PCBP3: variants seen among roughly 807,000 people sequenced by gnomAD.
PCBP3 encodes the protein poly(rC) binding protein 3.
PCBP3 carries 25 observed loss-of-function variants against 52.7 expected under a neutral mutation model. The observed-to-expected ratio is 0.47, with a 90% CI of 0.35 to 0.66. The LOEUF is 0.66. Ranked by LOEUF, PCBP3 falls within the 30% of genes least tolerant of loss-of-function variation. The pLI is 0.01. For missense variants in PCBP3, 391 were observed against 490.3 expected, an observed-to-expected ratio of 0.80 and a Z score of 1.91; for synonymous variants, 162 against 183.0, an observed-to-expected ratio of 0.89 and a Z score of 0.93.
At position 45,928,019 on chromosome 21, in the gene PCBP3, G is replaced by A. The variant is rs765365049; in HGVS notation, c.718-1898G>A. 6.6e-5 allele frequency among the ~76,000 whole-genome samples: 10 copies of A among 152,190 alleles called. No homozygotes were observed. The highest frequency in any genetic ancestry group is 1.0e-4 in the Non-Finnish European group (7 of 68,028). On this transcript the variant is annotated intron_variant, in intron 13 of 17. Coordinates refer to ENST00000681687, the MANE Select transcript of PCBP3 (RefSeq NM_001384156.1). The surrounding 1 kb of genome is among the most constrained non-coding windows in gnomAD (Gnocchi z 4.1). ...GAATTTGCCAGGAGTGTCTCACCCC[G>A]CCGTGGGCGATCTTGCCTGCAGCTC...
intron 2 of PCBP3, among the ~76,000 whole-genome samples, chr21:45,726,236 G>A (rs1404353553): frequency 6.6e-6 from 1 of 152,100 alleles, no homozygotes; most frequent in African/African-American, 2.4e-5. Context: ...GGTAACAGAT[G>A]TCCAAGTGGC....
At chr21:45,912,489 C>T (rs2070437) in intron 11 of PCBP3, among the ~76,000 whole-genome samples, 2 of 151,970 alleles carry the variant, frequency 1.3e-5, no homozygotes, top group African/African-American at 4.8e-5. Context: ...CACCTCACAC[C>T]CAGGAGATGA....
chr21:45,893,708 C>T (rs748724916), intron 5 of PCBP3: 16 of 978,166 alleles, frequency 1.6e-5, no homozygotes, highest in Non-Finnish European at 1.8e-5. Flanking sequence ...TGCTAAATCT[C>T]CAGCACTGGA....
intron 1 of PCBP3, among the ~76,000 whole-genome samples, chr21:45,658,394 C>G (rs1239839455): frequency 6.6e-6 from 1 of 152,148 alleles, no homozygotes; most frequent in African/African-American, 2.4e-5. Context: ...GCCTCTGCCT[C>G]CTGGAGTCAA....
At chr21:45,856,907 A>G (rs1324375281) in intron 5 of PCBP3, among the ~76,000 whole-genome samples, 1 of 152,220 alleles carries the variant, frequency 6.6e-6, no homozygotes, top group Non-Finnish European at 1.5e-5. Context: ...CCAGGCTATC[A>G]GTAAATTTAA....
chr21:45,896,856 T>A (rs1472659565), intron 6 of PCBP3, among the ~76,000 whole-genome samples: 49 of 139,672 alleles, frequency 3.5e-4, no homozygotes, highest in African/African-American at 1.3e-3. Flanking sequence ...GGCCATTGTC[T>A]CTGTAGGAAA....
At chr21:45,823,432 C>T (rs1464916326) in intron 4 of PCBP3, among the ~76,000 whole-genome samples, 2 of 152,174 alleles carry the variant, frequency 1.3e-5, no homozygotes, top group African/African-American at 2.4e-5. Flanking sequence ...GAAAGTGCAG[C>T]CATTTAACCC....
At position 45,736,894 on chromosome 21, in the gene PCBP3, G is replaced by C. The variant is rs893977078; in HGVS notation, c.-162+1465G>C. Among the ~76,000 whole-genome samples, 16 of 152,130 alleles carry C rather than the reference G, an allele frequency of 1.1e-4. No individual in the cohort carries two copies. The highest frequency in any genetic ancestry group is 3.9e-4 in the African/African-American group (16 of 41,426). On this transcript the variant is annotated intron_variant, in intron 3 of 17. Coordinates refer to ENST00000681687, the MANE Select transcript of PCBP3 (RefSeq NM_001384156.1). The surrounding 1 kb of genome is among the most constrained non-coding windows in gnomAD (Gnocchi z 4.6). The stretch of plus-strand genomic sequence containing the variant: ...GGTGACAGTGGCTGTGGAGGAAACA[G>C]GGAAGGGCAGGGTGTGGGAGTCCTG...
intron 4 of PCBP3, among the ~76,000 whole-genome samples, chr21:45,785,685 A>G (rs1274251009): frequency 6.6e-6 from 1 of 152,234 alleles, no homozygotes; most frequent in Non-Finnish European, 1.5e-5. Flanking sequence ...GTTTTGTGGA[A>G]TAGAAAAGGG....
chr21:45,758,510 C>A, intron 4 of PCBP3, among the ~76,000 whole-genome samples: 1 of 152,158 alleles, frequency 6.6e-6, no homozygotes, highest in East Asian at 1.9e-4. Context: ...TTTCACAGTG[C>A]AAGTCTTGCA....
At chr21:45,676,872 A>G (rs1283494792) in intron 2 of PCBP3, among the ~76,000 whole-genome samples, 2 of 152,074 alleles carry the variant, frequency 1.3e-5, no homozygotes, top group Non-Finnish European at 2.9e-5. Context: ...CCTGGGTTCA[A>G]GCTATTCTTG....
intron 2 of PCBP3, among the ~76,000 whole-genome samples, chr21:45,727,597 G>A (rs554252499): frequency 6.6e-6 from 1 of 152,324 alleles, no homozygotes; most frequent in South Asian, 2.1e-4. Context: ...AGCAGGCTTA[G>A]GAGTGGCACT....
At chr21:45,808,859 A>G (rs374724904) in intron 4 of PCBP3, among the ~76,000 whole-genome samples, 26 of 152,354 alleles carry the variant, frequency 1.7e-4, no homozygotes, top group South Asian at 4.1e-4. Flanking sequence ...CTATGCAGCC[A>G]TAAAAAAGGA....
Position 45,928,849 on chromosome 21 carries a change from T to G in PCBP3, c.718-1068T>G, listed in dbSNP as rs940149179. 2.0e-5 allele frequency among the ~76,000 whole-genome samples: 3 copies of G among 152,050 alleles called. No individual in the cohort carries two copies. Among genetic ancestry groups the G allele is most frequent in the African/African-American group, 7.2e-5 (3 of 41,422 alleles). The stretch of plus-strand genomic sequence containing the variant: ...TGAAGGGAAAATGCTGGGGAGGTGG[T>G]GCCCTCCCCAAATGTGCCACCTCCC... On this transcript the variant is annotated intron_variant, in intron 13 of 17. Transcript: ENST00000681687. This position sits in a 1 kb window ranked among gnomAD's most constrained non-coding sequence, Gnocchi z 4.1.
intron 3 of PCBP3, among the ~76,000 whole-genome samples, chr21:45,749,081 G>A (rs186252628): frequency 6.6e-6 from 1 of 152,294 alleles, no homozygotes; most frequent in Admixed American, 6.5e-5. Context: ...TATGTTCCCT[G>A]CAAAAGTTCC....
chr21:45,709,721 C>CA (rs904031702), intron 2 of PCBP3, among the ~76,000 whole-genome samples: 84 of 152,314 alleles, frequency 5.5e-4, no homozygotes, highest in African/African-American at 1.8e-3. Flanking sequence ...GGACCAATAT[C>CA]AGCCATTATT....
chr21:45,771,319 A>G (rs1342295089), intron 4 of PCBP3, among the ~76,000 whole-genome samples: 3 of 152,222 alleles, frequency 2.0e-5, no homozygotes, highest in Admixed American at 1.3e-4. Flanking sequence ...TGAGGTCACT[A>G]AAGTTCTGTC....
chr21:45,862,187 G>A (rs575111405), intron 5 of PCBP3, among the ~76,000 whole-genome samples: 4 of 98,842 alleles, frequency 4.0e-5, no homozygotes, highest in East Asian at 4.8e-4. Flanking sequence ...GAATTGGGGC[G>A]GGTGGGGGGA....
intron 13 of PCBP3, among the ~76,000 whole-genome samples, chr21:45,927,986 C>G (rs2075701939): frequency 6.6e-6 from 1 of 152,224 alleles, no homozygotes; most frequent in Non-Finnish European, 1.5e-5. Context: ...CGTCCTGTGG[C>G]TGTGGATGAA....
Sources: allele counts gnomAD v4.1 joint callset (sites outside exome capture counted in the v4.1 genomes callset), GRCh38; gene constraint gnomAD v4.1.1; non-coding constraint Gnocchi (gnomAD v3.1); transcripts MANE v1.5; gene names NCBI Gene and HGNC (gene_info 2026-07-23, HGNC 2026-07-21).